The following USH2A variants were observed in gnomAD, a reference collection of about 807,000 sequenced individuals.
USH2A encodes the protein usherin, also known as Usher syndrome 2A (autosomal recessive, mild).
USH2A carries 443 observed loss-of-function variants against 538.9 expected under a neutral mutation model. That is an observed-to-expected ratio of 0.82 (90% CI 0.76 to 0.89). The LOEUF (loss-of-function observed/expected upper bound fraction) is 0.89. Ranked by LOEUF, USH2A falls within the 40% of genes least tolerant of loss-of-function variation. The pLI is 0.00. For synonymous variants in USH2A, 2,413 were observed against 2,273.5 expected, an observed-to-expected ratio of 1.06 and a Z score of -1.75; for missense variants, 6,633 against 6,324.8, an observed-to-expected ratio of 1.05 and a Z score of -1.65.
At chr1:215,814,516 T>C (rs1053691298) in intron 48 of USH2A, among the ~76,000 whole-genome samples, 1 of 152,054 alleles carries the variant, frequency 6.6e-6, no homozygotes, top group African/African-American at 2.4e-5. Context: ...CATGAAAGAT[T>C]GGAGAGAAGT....
chr1:216,247,053 T>C lies in USH2A; in HGVS notation c.2341A>G (p.Arg781Gly). 1.9e-5 allele frequency: 31 copies of C among 1,614,038 alleles called. No individual in the cohort carries two copies. Among genetic ancestry groups the C allele is most frequent in the Non-Finnish European group, 2.6e-5 (31 of 1,179,960 alleles). Residue 781 changes from arginine to glycine, a missense_variant, in exon 13 of 72, where the codon AGA becomes GGA. Physicochemically the swap from Arg to Gly is moderately radical, Grantham distance 125. Transcript: ENST00000307340. The stretch of plus-strand genomic sequence containing the variant: ...ACATCTAACCCATAAAAGTTTTCTC[T>C]GCAGGTGTCACACTGAAGTCCTTTG... ...EAKGLQCDTCRENFYGLDVTN... is the reference protein window; with the variant it reads ...EAKGLQCDTCGENFYGLDVTN...
At chr1:216,313,548 C>T (rs1444033647) in intron 9 of USH2A, among the ~76,000 whole-genome samples, 1 of 152,070 alleles carries the variant, frequency 6.6e-6, no homozygotes, top group Non-Finnish European at 1.5e-5. Context: ...TACATATAAC[C>T]TTATTTTTAT....
In USH2A at chr1:215,743,342, A is replaced by G. The variant is rs201067257; in HGVS notation, c.11390-7T>C. On this transcript the variant is annotated splice_region_variant and splice_polypyrimidine_tract_variant and intron_variant, in intron 58 of 71. Transcript: ENST00000307340. ...ATTTCGGGGATGAGGATCCCTTTAAAGAGAGAGAGAGAGAGAGAACATTAA... is the reference window on the plus strand; with the variant it reads ...ATTTCGGGGATGAGGATCCCTTTAAGGAGAGAGAGAGAGAGAGAACATTAA... 7 of 1,067,870 alleles carry G rather than the reference A, an allele frequency of 6.6e-6. No homozygotes were observed. The South Asian group carries it at 7.2e-5, about 11-fold the overall frequency. The allele number at this position is 1,067,870 out of a possible 1,614,324, so 66.1% of individuals were successfully genotyped here.
chr1:216,422,176 G>A lies in USH2A; in HGVS notation c.161C>T (p.Thr54Ile). 1 of 1,613,164 alleles carries A rather than the reference G, an allele frequency of 6.2e-7. No individual in the cohort carries two copies. The highest frequency in any genetic ancestry group is 8.5e-7 in the Non-Finnish European group (1 of 1,179,450). Residue 54 changes from threonine (T) to isoleucine (I), a missense_variant, in exon 2 of 72, where the codon ACC becomes ATC. Physicochemically the swap from Thr to Ile is moderately conservative, Grantham distance 89. Transcript: ENST00000307340. ...GAFKKVSIVP[T>I]QAVCGLPDRS... ...GTCTGGGAGTCCACATACTGCTTGG[G>A]TTGGCACGATGGAAACTTTCTTGAA...
chr1:216,262,068 ATCTT>A (rs2036384687), intron 11 of USH2A, among the ~76,000 whole-genome samples: 1 of 152,142 alleles, frequency 6.6e-6, no homozygotes, highest in African/African-American at 2.4e-5. Context: ...ACAGGAGTAA[ATCTT>A]TCCCTATAAG....
At chr1:216,323,822 T>A (rs2037668651) in intron 7 of USH2A, 127 bp from the exon 8 acceptor site, 2 of 868,502 alleles carry the variant, frequency 2.3e-6, no homozygotes, top group Admixed American at 4.3e-5. Context: ...AGGAAAAGCA[T>A]ATTCCATATA....
At chr1:216,077,697 T>C (rs2031797599) in intron 27 of USH2A, among the ~76,000 whole-genome samples, 1 of 146,886 alleles carries the variant, frequency 6.8e-6, no homozygotes, top group Admixed American at 7.2e-5. Context: ...ATAAATATCA[T>C]CTTTGGGAAG....
chr1:215,794,086 T>C (rs142226349), intron 50 of USH2A, among the ~76,000 whole-genome samples: 16 of 152,298 alleles, frequency 1.1e-4, no homozygotes, highest in African/African-American at 3.8e-4. Context: ...CGCATGACTT[T>C]CATCCCGAGA....
chr1:216,288,116 A>C (rs2036921624), intron 11 of USH2A, among the ~76,000 whole-genome samples: 1 of 152,126 alleles, frequency 6.6e-6, no homozygotes, highest in Non-Finnish European at 1.5e-5. Context: ...AAAATATGAT[A>C]TATCAATATT....
chr1:216,237,099 G>A (rs1398246140), intron 13 of USH2A, among the ~76,000 whole-genome samples: 4 of 152,082 alleles, frequency 2.6e-5, no homozygotes, highest in Non-Finnish European at 5.9e-5. Context: ...TCTAAAGCCT[G>A]TCTCCTGTGC....
intron 2 of USH2A, among the ~76,000 whole-genome samples, chr1:216,420,861 T>C (rs1484287228): frequency 6.6e-6 from 1 of 152,158 alleles, no homozygotes; most frequent in African/African-American, 2.4e-5. Flanking sequence ...CAACTTTCAC[T>C]TGGCAAATTG....
At chr1:215,870,135 T>C (rs1664585039) in intron 43 of USH2A, among the ~76,000 whole-genome samples, 1 of 152,160 alleles carries the variant, frequency 6.6e-6, no homozygotes. Context: ...ATAGGGTTTA[T>C]TCATTTCCAA....
chr1:215,689,677 G>C (rs1186669877), intron 61 of USH2A, among the ~76,000 whole-genome samples: 1 of 152,218 alleles, frequency 6.6e-6, no homozygotes, highest in Non-Finnish European at 1.5e-5. Context: ...GACCCCTGTG[G>C]AGGGGAACTA....
intron 61 of USH2A, among the ~76,000 whole-genome samples, chr1:215,715,193 G>A (rs1057459836): frequency 6.6e-6 from 1 of 152,110 alleles, no homozygotes; most frequent in Non-Finnish European, 1.5e-5. Context: ...CTGTGTCCAT[G>A]TGTTCTCATT....
intron 64 of USH2A, among the ~76,000 whole-genome samples, chr1:215,652,956 A>G (rs1341853024): frequency 1.3e-5 from 2 of 152,194 alleles, no homozygotes; most frequent in African/African-American, 4.8e-5. Flanking sequence ...ACAACTTGCC[A>G]ATTAATTACT....
chr1:216,185,352 G>A (rs1295854835), intron 20 of USH2A, among the ~76,000 whole-genome samples: 3 of 151,846 alleles, frequency 2.0e-5, no homozygotes, highest in Non-Finnish European at 4.4e-5. Context: ...ACAAGAGAGA[G>A]CCAATTATAA....
chr1:216,263,739 A>G (rs1391622352), intron 11 of USH2A, among the ~76,000 whole-genome samples: 1 of 152,138 alleles, frequency 6.6e-6, no homozygotes, highest in African/African-American at 2.4e-5. Flanking sequence ...ACTACTCTTT[A>G]TTCAACCTAG....
Position 215,743,328 on chromosome 1 carries a change from G to A in USH2A, c.11397C>T (p.Leu3799=). The A allele has an allele frequency of 6.3e-7, 1 of 1,598,842 alleles. No individual in the cohort carries two copies. Among genetic ancestry groups the A allele is most frequent in the Admixed American group, 1.7e-5 (1 of 58,468 alleles). Residue 3799 remains leucine (L), a synonymous_variant, in exon 59 of 72, where the codon CTC becomes CTT. Coordinates refer to ENST00000307340, the MANE Select transcript of USH2A (RefSeq NM_206933.4). Reference sequence around the variant, plus strand: ...TGTACTCCACAGGAATTTCGGGGATGAGGATCCCTTTAAAGAGAGAGAGAG... The same window carrying A: ...TGTACTCCACAGGAATTTCGGGGATAAGGATCCCTTTAAAGAGAGAGAGAG... The part of the protein sequence containing the change: ...IFVAWIPPGI[L]IPEIPVEYNV...
rs574080860 is a variant in USH2A, at chr1:215,829,649, G to A, written c.9371+8342C>T. 2.0e-5 allele frequency among the ~76,000 whole-genome samples: 3 copies of A among 152,156 alleles called. No homozygotes were observed. The East Asian group carries it at 5.8e-4, about 29-fold the overall frequency. On this transcript the variant is annotated intron_variant, in intron 47 of 71. Transcript: ENST00000307340. The stretch of plus-strand genomic sequence containing the variant: ...AAGTATACATTGCCAGAAGTATAAT[G>A]AAATTACACAAACAATACCATACAC...
Sources: allele counts gnomAD v4.1 joint callset (sites outside exome capture counted in the v4.1 genomes callset), GRCh38; gene constraint gnomAD v4.1.1; transcripts MANE v1.5; gene names NCBI Gene and HGNC (gene_info 2026-07-23, HGNC 2026-07-21).